Variants in CFAP54 observed in about 807,000 individuals in gnomAD.
The protein encoded by CFAP54 is cilia- and flagella-associated protein 54.
A neutral mutation model predicts 370.4 loss-of-function variants in CFAP54; 290 were observed. That is an observed-to-expected ratio of 0.78 (90% CI 0.71 to 0.86). The LOEUF (loss-of-function observed/expected upper bound fraction) is 0.86. CFAP54 is among the 40% of genes least tolerant of loss of function. The pLI, the probability that CFAP54 is intolerant of heterozygous loss-of-function variation, is 0.00. For synonymous variants in CFAP54, 1,206 were observed against 1,236.5 expected (o/e 0.98, Z 0.52); for missense variants, 3,399 against 3,528.7 (o/e 0.96, Z 0.93).
In CFAP54 at chr12:96,657,993, G is replaced by T. The variant is rs951352819; in HGVS notation, c.5212G>T (p.Val1738Phe). 91 of 1,613,600 alleles carry T rather than the reference G, an allele frequency of 5.6e-5. No homozygotes were observed. Among genetic ancestry groups the T allele is most frequent in the Non-Finnish European group, 7.5e-5 (88 of 1,179,798 alleles). The change falls in exon 37 of 68, where the codon GTT becomes TTT. Residue 1738 changes from valine (V) to phenylalanine (F), a missense_variant. Coordinates refer to ENST00000524981, the MANE Select transcript of CFAP54 (RefSeq NM_001306084.2). The part of the protein sequence containing the change: ...FEHPLDDVNV[V>F]DLKWIHDFVL... Reference sequence around the variant, plus strand: ...GCATCCTTTGGATGATGTAAATGTGGTTGATTTGAAATGGATCCACGACTT... The same window carrying T: ...GCATCCTTTGGATGATGTAAATGTGTTTGATTTGAAATGGATCCACGACTT...
At chr12:96,729,452 G>C (rs1300539517) in intron 50 of CFAP54, among the ~76,000 whole-genome samples, 4 of 152,226 alleles carry the variant, frequency 2.6e-5, no homozygotes, top group Non-Finnish European at 5.9e-5. Context: ...CTAGCAATCA[G>C]CAAGATTCCA....
intron 8 of CFAP54, 137 bp downstream of exon 8, chr12:96,522,326 AG>A: frequency 1.7e-6 from 1 of 575,820 alleles, no homozygotes. Flanking sequence ...AATAGAGAGA[AG>A]AATGTTTTTC....
At chr12:96,740,685 C>A (rs1958040706) in intron 51 of CFAP54, among the ~76,000 whole-genome samples, 1 of 152,150 alleles carries the variant, frequency 6.6e-6, no homozygotes, top group Non-Finnish European at 1.5e-5. Context: ...AACTAATTGT[C>A]CTCAATAGAG....
At chr12:96,552,129 C>T (rs1214018908) in intron 15 of CFAP54, among the ~76,000 whole-genome samples, 1 of 151,636 alleles carries the variant, frequency 6.6e-6, no homozygotes, top group Non-Finnish European at 1.5e-5. Context: ...GCCTGTTATT[C>T]CAGCTGCTTG....
In CFAP54 at chr12:96,581,082, A is replaced by C; in HGVS notation, c.3052A>C (p.Thr1018Pro). Residue 1018 changes from threonine (T) to proline (P), a missense_variant, in exon 22 of 68, where the codon ACT (threonine) becomes CCT (proline). Coordinates refer to ENST00000524981, the MANE Select transcript of CFAP54 (RefSeq NM_001306084.2). ...ILVYPPLSTI[T>P]ARMFLTQVAY... ...GGTTTATCCCCCTCTTTCTACTATT[A>C]CTGCTCGGATGTTCCTGACACAGGT... 3 of 1,511,846 alleles carry C rather than the reference A, an allele frequency of 2.0e-6. No individual in the cohort carries two copies. The highest frequency in any genetic ancestry group is 1.7e-4 in the Middle Eastern group (1 of 5,884). 93.7% of individuals were successfully genotyped at this position (1,511,846 alleles called of 1,614,324 possible).
intron 60 of CFAP54, among the ~76,000 whole-genome samples, chr12:96,779,073 C>A (rs1012663319): frequency 4.0e-5 from 6 of 148,690 alleles, no homozygotes; most frequent in African/African-American, 1.2e-4. Flanking sequence ...TGCCATCGCA[C>A]TCCAGCCTGG....
At chr12:96,800,941 A>G (rs901256622) in intron 63 of CFAP54, among the ~76,000 whole-genome samples, 18 of 152,228 alleles carry the variant, frequency 1.2e-4, no homozygotes, top group Admixed American at 8.5e-4. Context: ...TGCCATATTG[A>G]GTCCCCAGAT....
At chr12:96,623,498 G>A (rs1241032215) in intron 27 of CFAP54, among the ~76,000 whole-genome samples, 3 of 152,134 alleles carry the variant, frequency 2.0e-5, no homozygotes, top group Non-Finnish European at 2.9e-5. Context: ...GGAGGGGGCT[G>A]GTTAGGTAGG....
In CFAP54 at chr12:96,538,411, G is replaced by A; in HGVS notation, c.1819G>A (p.Val607Met). Residue 607 changes from valine to methionine, a missense_variant, in exon 13 of 68, where the codon GTG becomes ATG. By Grantham distance (21) the Val-to-Met change is conservative. Around this residue, in one of 3 missense-constraint regions of CFAP54, gnomAD observed 2,796 missense variants for 2,869.7 expected, o/e 0.97. Coordinates refer to ENST00000524981, the MANE Select transcript of CFAP54 (RefSeq NM_001306084.2). Reference protein sequence around the residue: ...QDVQPDKEIVVDTIMFLWQKC... With the variant: ...QDVQPDKEIVMDTIMFLWQKC... ...TGTTCAACCTGATAAAGAAATTGTTGTGGACACGATAATGTTCCTATGGCA... is the reference window on the plus strand; with the variant it reads ...TGTTCAACCTGATAAAGAAATTGTTATGGACACGATAATGTTCCTATGGCA... 1 of 1,535,358 alleles carries A rather than the reference G, an allele frequency of 6.5e-7. No homozygotes were observed. The highest frequency in any genetic ancestry group is 2.0e-5 in the Admixed American group (1 of 50,898).
At chr12:96,570,677 A>G (rs1328796959) in intron 19 of CFAP54, among the ~76,000 whole-genome samples, 1 of 152,212 alleles carries the variant, frequency 6.6e-6, no homozygotes, top group Non-Finnish European at 1.5e-5. Flanking sequence ...GGAAGATTCA[A>G]GTAATGATGC....
intron 33 of CFAP54, among the ~76,000 whole-genome samples, chr12:96,644,714 G>T (rs12322815): frequency 0.034 from 5,196 of 152,214 alleles, 217 homozygotes; most frequent in African/African-American, 0.098. Flanking sequence ...AAGTGCAAGG[G>T]AAATACCATA....
intron 60 of CFAP54, among the ~76,000 whole-genome samples, chr12:96,782,216 G>A (rs958930898): frequency 2.0e-5 from 3 of 152,162 alleles, no homozygotes; most frequent in Admixed American, 6.5e-5. Context: ...CATGCCTACT[G>A]TATTTATAGT....
In CFAP54 at chr12:96,834,696, C is replaced by A. The variant is rs552119510; in HGVS notation, c.9171+5608C>A. On this transcript the variant is annotated intron_variant, in intron 66 of 67. Coordinates refer to ENST00000524981, the MANE Select transcript of CFAP54 (RefSeq NM_001306084.2). ...AGCCTTGGCTTGGGGATCTTCCAGGCCTGGGGTCCCAGAAGGGCCACAGCT... is the reference window on the plus strand; with the variant it reads ...AGCCTTGGCTTGGGGATCTTCCAGGACTGGGGTCCCAGAAGGGCCACAGCT... Among the ~76,000 whole-genome samples, 7 of 152,340 alleles carry A rather than the reference C, an allele frequency of 4.6e-5. No homozygotes were observed. In the South Asian group the frequency reaches 1.2e-3, roughly 27 times the overall value.
chr12:96,521,975 A>G lies in CFAP54; in HGVS notation c.1056+5A>G, dbSNP rs1243367224. 12 of 1,531,210 alleles carry G rather than the reference A, an allele frequency of 7.8e-6. No individual in the cohort carries two copies. The highest frequency in any genetic ancestry group is 1.0e-5 in the Non-Finnish European group (12 of 1,143,272). 94.9% of individuals were successfully genotyped at this position (1,531,210 alleles called of 1,614,324 possible). A position where few individuals can be genotyped will look rare whatever the true frequency, so the allele number is the denominator to read the frequency against. On this transcript the variant is annotated splice_donor_5th_base_variant and intron_variant, in intron 7 of 67. Coordinates refer to ENST00000524981, the MANE Select transcript of CFAP54 (RefSeq NM_001306084.2). The stretch of plus-strand genomic sequence containing the variant: ...TTTCGAGAGGCCACAATGAAGGTAT[A>G]AAAATTTCATGAAATAAAAGAAATT...
At chr12:96,629,035 G>T (rs1956575615) in intron 30 of CFAP54, among the ~76,000 whole-genome samples, 2 of 152,196 alleles carry the variant, frequency 1.3e-5, no homozygotes, top group Admixed American at 6.5e-5. Context: ...TTGGTATTCA[G>T]AGGGCAGCAG....
At chr12:96,725,246 A>C (rs981572132) in intron 50 of CFAP54, among the ~76,000 whole-genome samples, 1 of 151,222 alleles carries the variant, frequency 6.6e-6, no homozygotes, top group African/African-American at 2.4e-5. Flanking sequence ...GATGGCATTG[A>C]ATCTATAAAT....
chr12:96,865,762 T>G (rs1192474417), intron 67 of CFAP54, among the ~76,000 whole-genome samples: 1 of 152,182 alleles, frequency 6.6e-6, no homozygotes, highest in Non-Finnish European at 1.5e-5. Context: ...ACTAATAAAT[T>G]GAACTATGAT....
chr12:96,756,346 T>G, intron 56 of CFAP54, 112 bp from the exon 57 acceptor site: 1 of 632,152 alleles, frequency 1.6e-6, no homozygotes, highest in Admixed American at 3.2e-5. Flanking sequence ...TAGACAGACA[T>G]ACAAAAGGAC....
intron 65 of CFAP54, among the ~76,000 whole-genome samples, chr12:96,825,114 A>G (rs1959072002): frequency 6.7e-6 from 1 of 149,846 alleles, no homozygotes; most frequent in South Asian, 2.1e-4. Flanking sequence ...TCAAGGCTCA[A>G]TTCTTATGAC....
Sources: allele counts gnomAD v4.1 joint callset (sites outside exome capture counted in the v4.1 genomes callset), GRCh38; gene constraint gnomAD v4.1.1; regional missense constraint gnomAD v4.1.1; transcripts MANE v1.5; gene names NCBI Gene and HGNC (gene_info 2026-07-23, HGNC 2026-07-21).